The following PGM5 variants were observed in gnomAD, a reference collection of about 807,000 sequenced individuals.
The protein encoded by PGM5 is phosphoglucomutase 5.
PGM5 carries 23 observed loss-of-function variants against 59.2 expected under a neutral mutation model. The ratio of observed to expected loss-of-function variants is 0.39; its 90% CI spans 0.28 to 0.55. PGM5 has a LOEUF of 0.55. PGM5 is among the 20% of genes least tolerant of loss of function. The probability of loss-of-function intolerance (pLI) is 0.66; values close to 1 mark genes in which losing one functional copy is unlikely to be tolerated. For missense variants in PGM5, 574 were observed against 748.3 expected (o/e 0.77, Z 2.72); for synonymous variants, 214 against 286.0 (o/e 0.75, Z 2.54).
intron 9 of PGM5, among the ~76,000 whole-genome samples, chr9:68,495,888 G>C (rs1413190840): frequency 6.6e-6 from 1 of 152,148 alleles, no homozygotes; most frequent in African/African-American, 2.4e-5. Context: ...CTTATACCAG[G>C]GGTCAGCAAA....
At chr9:68,440,065 A>C (rs1288195015) in intron 6 of PGM5, among the ~76,000 whole-genome samples, 2 of 152,240 alleles carry the variant, frequency 1.3e-5, no homozygotes, top group Non-Finnish European at 2.9e-5. Flanking sequence ...ATAATTTTAA[A>C]GTACATAAGC....
In PGM5 at chr9:68,377,009, C is replaced by T. The variant is rs188656139; in HGVS notation, c.262-1190C>T. ...TGGCGCCATCTTAGCTCACTGCAACCTCTGCCTCCCAGGTTCAAGCAATTC... is the reference window on the plus strand; with the variant it reads ...TGGCGCCATCTTAGCTCACTGCAACTTCTGCCTCCCAGGTTCAAGCAATTC... On this transcript the variant is annotated intron_variant, in intron 1 of 10. Transcript: ENST00000396396. 1.8e-4 allele frequency among the ~76,000 whole-genome samples: 27 copies of T among 151,928 alleles called. No individual in the cohort carries two copies. In the East Asian group the frequency reaches 4.4e-3, roughly 25 times the overall value.
chr9:68,370,114 C>T (rs1834756168), intron 1 of PGM5, among the ~76,000 whole-genome samples: 1 of 151,900 alleles, frequency 6.6e-6, no homozygotes, highest in African/African-American at 2.4e-5. Context: ...CGTAGATGGA[C>T]ATGGTGGAGG....
intron 4 of PGM5, among the ~76,000 whole-genome samples, chr9:68,391,213 A>G (rs1408946609): frequency 6.6e-6 from 1 of 151,384 alleles, no homozygotes; most frequent in Non-Finnish European, 1.5e-5. Context: ...CTTTTAATAC[A>G]TGAAAAGCAA....
chr9:68,516,241 A>G (rs889639367), intron 10 of PGM5, among the ~76,000 whole-genome samples: 9 of 152,224 alleles, frequency 5.9e-5, no homozygotes, highest in African/African-American at 2.2e-4. Context: ...ATTGGAGTAG[A>G]CCAGCATTCC....
chr9:68,451,270 A>T (rs1032037462), intron 6 of PGM5, among the ~76,000 whole-genome samples: 1 of 152,256 alleles, frequency 6.6e-6, no homozygotes, highest in African/African-American at 2.4e-5. Flanking sequence ...GTAATTGAAT[A>T]TGTATAAAAT....
chr9:68,496,432 G>T (rs1244215124), intron 9 of PGM5, among the ~76,000 whole-genome samples: 1 of 152,224 alleles, frequency 6.6e-6, no homozygotes, highest in African/African-American at 2.4e-5. Flanking sequence ...TGGAGAAGGA[G>T]AATTAATGAT....
At chr9:68,488,890 T>C (rs1824341493) in intron 9 of PGM5, among the ~76,000 whole-genome samples, 3 of 152,136 alleles carry the variant, frequency 2.0e-5, no homozygotes, top group African/African-American at 7.2e-5. Context: ...ACAATGAGAA[T>C]AGGGGAGCAC....
chr9:68,389,640 A>T (rs1554679283), intron 4 of PGM5, among the ~76,000 whole-genome samples: 1 of 152,118 alleles, frequency 6.6e-6, no homozygotes, highest in African/African-American at 2.4e-5. Flanking sequence ...TTGTTTATCC[A>T]TTAACTGGTT....
chr9:68,386,676 A>G (rs1822228638), intron 3 of PGM5, among the ~76,000 whole-genome samples: 1 of 152,068 alleles, frequency 6.6e-6, no homozygotes, highest in Non-Finnish European at 1.5e-5. Context: ...GGGCTCCTGG[A>G]CAAATTTTAG....
chr9:68,428,287 G>A (rs946052653), intron 6 of PGM5, among the ~76,000 whole-genome samples: 2 of 152,154 alleles, frequency 1.3e-5, no homozygotes, highest in Non-Finnish European at 2.9e-5. Context: ...AATGATTTGC[G>A]AGTTTCAAAT....
intron 7 of PGM5, among the ~76,000 whole-genome samples, chr9:68,474,517 A>C (rs1554686506): frequency 6.6e-6 from 1 of 152,078 alleles, no homozygotes; most frequent in African/African-American, 2.4e-5. Context: ...GAAGATTGAG[A>C]AAATTCAAAG....
chr9:68,374,202 A>G (rs1821815997), intron 1 of PGM5, among the ~76,000 whole-genome samples: 1 of 152,202 alleles, frequency 6.6e-6, no homozygotes, highest in Non-Finnish European at 1.5e-5. Context: ...ATTTTGAACA[A>G]AAGCTACAAA....
intron 6 of PGM5, among the ~76,000 whole-genome samples, chr9:68,423,817 G>A (rs993944115): frequency 3.9e-5 from 6 of 152,222 alleles, no homozygotes; most frequent in East Asian, 1.9e-4. Flanking sequence ...ACGCATACAC[G>A]TAACTCCATT....
chr9:68,477,214 A>G (rs532356903), intron 7 of PGM5, among the ~76,000 whole-genome samples: 9 of 152,220 alleles, frequency 5.9e-5, no homozygotes, highest in Admixed American at 1.3e-4. Context: ...CTGGACATCC[A>G]ACAGTGCCAT....
intron 10 of PGM5, among the ~76,000 whole-genome samples, chr9:68,523,886 G>A (rs10781002): frequency 0.029 from 4,460 of 151,978 alleles, 285 homozygotes; most frequent in East Asian, 0.27. Context: ...GTTTTCCTCC[G>A]AAAAATCAGT....
At chr9:68,425,408 A>G (rs1222197614) in intron 6 of PGM5, among the ~76,000 whole-genome samples, 1 of 152,150 alleles carries the variant, frequency 6.6e-6, no homozygotes, top group Non-Finnish European at 1.5e-5. Flanking sequence ...CCCAGGAGCT[A>G]TTGCTGGTGA....
At chr9:68,505,509 T>G (rs1824639656) in intron 10 of PGM5, among the ~76,000 whole-genome samples, 1 of 152,024 alleles carries the variant, frequency 6.6e-6, no homozygotes, top group Non-Finnish European at 1.5e-5. Context: ...AAATTTAGGG[T>G]TTTCTACAAT....
At chr9:68,408,201 G>A (rs527750796) in intron 6 of PGM5, among the ~76,000 whole-genome samples, 1 of 152,174 alleles carries the variant, frequency 6.6e-6, no homozygotes, top group East Asian at 1.9e-4. Context: ...TGTGAGATTT[G>A]GATAAGGTCG....
Sources: gnomAD v4.1 joint callset for allele counts (sites outside exome capture counted in the v4.1 genomes callset) on GRCh38, gnomAD v4.1.1 for gene constraint, MANE v1.5 for transcripts, NCBI Gene and HGNC (gene_info 2026-07-23, HGNC 2026-07-21) for gene names.